Variants in KLHL29 observed in about 807,000 individuals in gnomAD.
KLHL29 encodes kelch like family member 29, also known as kelch-like protein 29.
In KLHL29, 21 loss-of-function variants were observed where a neutral mutation model predicts 80.4. The observed-to-expected ratio is 0.26, with a 90% CI of 0.19 to 0.38. The LOEUF is 0.38. KLHL29 is among the 10% of genes least tolerant of loss of function. The probability of loss-of-function intolerance (pLI) is 1.00; values close to 1 mark genes in which losing one functional copy is unlikely to be tolerated. For missense variants in KLHL29, 867 were observed against 1,223.9 expected (o/e 0.71, Z 4.35); for synonymous variants, 511 against 526.8 (o/e 0.97, Z 0.41).
At position 23,518,723 on chromosome 2, in the gene KLHL29, C is replaced by T. The variant is rs569054361; in HGVS notation, c.-46+43056C>T. 5.9e-5 allele frequency among the ~76,000 whole-genome samples: 9 copies of T among 152,292 alleles called. No individual in the cohort carries two copies. The East Asian group carries it at 1.7e-3, about 29-fold the overall frequency. Reference sequence around the variant, plus strand: ...CCACTGGGCCTGGTCCACAGCTGCACACGCCAACACATGCACCTGGTCCAG... The same window carrying T: ...CCACTGGGCCTGGTCCACAGCTGCATACGCCAACACATGCACCTGGTCCAG... On this transcript the variant is annotated intron_variant, in intron 2 of 13. Transcript: ENST00000486442.
chr2:23,599,029 G>A (rs1668501287), intron 3 of KLHL29, among the ~76,000 whole-genome samples: 1 of 152,260 alleles, frequency 6.6e-6, no homozygotes, highest in South Asian at 2.1e-4. Context: ...CCTGTCCCAG[G>A]CATTCTTTCC....
chr2:23,664,584 T>C (rs2149171950), intron 5 of KLHL29, among the ~76,000 whole-genome samples: 1 of 152,356 alleles, frequency 6.6e-6, no homozygotes. Flanking sequence ...AGATGTTTCC[T>C]AACAGTCTTG....
intron 1 of KLHL29, among the ~76,000 whole-genome samples, chr2:23,435,149 G>A (rs1359720456): frequency 6.6e-6 from 1 of 152,208 alleles, no homozygotes; most frequent in African/African-American, 2.4e-5. Flanking sequence ...ACATTGGAGT[G>A]TGGTCTTCAG....
At chr2:23,527,175 G>A (rs564958465) in intron 2 of KLHL29, among the ~76,000 whole-genome samples, 11 of 152,260 alleles carry the variant, frequency 7.2e-5, no homozygotes, top group African/African-American at 2.2e-4. Context: ...CGGCTCACAC[G>A]GAGGACACGT....
At chr2:23,537,726 A>G (rs1252966050) in intron 2 of KLHL29, among the ~76,000 whole-genome samples, 2 of 152,176 alleles carry the variant, frequency 1.3e-5, no homozygotes, top group African/African-American at 4.8e-5. Flanking sequence ...GGCCACCTGC[A>G]AGAAGCTGCA....
chr2:23,505,039 G>T (rs1252056177), intron 2 of KLHL29, among the ~76,000 whole-genome samples: 3 of 152,214 alleles, frequency 2.0e-5, no homozygotes, highest in African/African-American at 4.8e-5. Flanking sequence ...TTCCCGCTGG[G>T]AACAAAACCC....
Position 23,663,565 on chromosome 2 carries a change from G to C in KLHL29, c.940+20715G>C, listed in dbSNP as rs184344046. On this transcript the variant is annotated intron_variant, in intron 5 of 13. Transcript: ENST00000486442. ...CTTCAGCCAGTTCCAAGTTATTGAT[G>C]TCTTAAAGTGACTTTAATCTGAGCC... is the stretch of plus-strand genomic sequence containing the variant. Among the ~76,000 whole-genome samples the C allele has an allele frequency of 1.4e-3, 213 of 152,338 alleles. 1 individual carries two copies. The highest frequency in any genetic ancestry group is 4.9e-3 in the African/African-American group (202 of 41,582).
chr2:23,533,646 G>C (rs895830181), intron 2 of KLHL29, among the ~76,000 whole-genome samples: 16 of 152,116 alleles, frequency 1.1e-4, no homozygotes, highest in African/African-American at 3.6e-4. Flanking sequence ...GTTTGGGCTG[G>C]GTGATGGCAT....
rs1002031285 is a variant in KLHL29, at chr2:23,562,810, A to C, written c.285+329A>C. ...AGATGGCAATATGGGGTTCCTAAAT[A>C]GATAAATTGAGACCATGCAAGCATC... On this transcript the variant is annotated intron_variant, in intron 3 of 13. Transcript: ENST00000486442. This position sits in a 1 kb window ranked among gnomAD's most constrained non-coding sequence, Gnocchi z 4.5. 5.3e-5 allele frequency among the ~76,000 whole-genome samples: 8 copies of C among 152,174 alleles called. No individual in the cohort carries two copies. Among genetic ancestry groups the C allele is most frequent in the Admixed American group, 6.5e-5 (1 of 15,284 alleles).
chr2:23,464,269 G>T lies in KLHL29; in HGVS notation c.-153-11291G>T, dbSNP rs1266336911. Among the ~76,000 whole-genome samples the T allele has an allele frequency of 3.3e-5, 5 of 152,134 alleles. No homozygotes were observed. The East Asian group carries it at 5.8e-4, about 18-fold the overall frequency. ...CTTGTTGGAGGCTCATTTCCCCAGG[G>T]TCTCTGCAAGCCCGGAGCCCCCGGA... On this transcript the variant is annotated intron_variant, in intron 1 of 13. Coordinates refer to ENST00000486442, the MANE Select transcript of KLHL29 (RefSeq NM_052920.2).
At chr2:23,656,464 C>T (rs963503944) in intron 5 of KLHL29, among the ~76,000 whole-genome samples, 1 of 152,254 alleles carries the variant, frequency 6.6e-6, no homozygotes, top group Non-Finnish European at 1.5e-5. Context: ...CTTGCTGCCA[C>T]GCAGAGTCAG....
chr2:23,626,282 T>G (rs1235833173), intron 3 of KLHL29, among the ~76,000 whole-genome samples: 5 of 152,264 alleles, frequency 3.3e-5, no homozygotes, highest in African/African-American at 1.2e-4. Flanking sequence ...ATGCCAGCAA[T>G]GGGGAGCAGT....
chr2:23,452,454 A>C (rs1429399217), intron 1 of KLHL29, among the ~76,000 whole-genome samples: 1 of 152,002 alleles, frequency 6.6e-6, no homozygotes, highest in Non-Finnish European at 1.5e-5. Context: ...TGGGGATCTC[A>C]TTTCAACATG....
At chr2:23,586,757 C>T (rs1668129369) in intron 3 of KLHL29, among the ~76,000 whole-genome samples, 1 of 152,062 alleles carries the variant, frequency 6.6e-6, no homozygotes, top group Non-Finnish European at 1.5e-5. Context: ...TGAGCTTAGC[C>T]CCTCCTTGGT....
chr2:23,695,330 G>T lies in KLHL29; in HGVS notation c.1543-293G>T, dbSNP rs1671883416. Reference sequence around the variant, plus strand: ...CTGCAGCAGGGGTCCACAGCCCCAGGTGGAGTGAGAGAATGGGGTGCTGGG... The same window carrying T: ...CTGCAGCAGGGGTCCACAGCCCCAGTTGGAGTGAGAGAATGGGGTGCTGGG... On this transcript the variant is annotated intron_variant, in intron 8 of 13. Coordinates refer to ENST00000486442, the MANE Select transcript of KLHL29 (RefSeq NM_052920.2). This position sits in a 1 kb window ranked among gnomAD's most constrained non-coding sequence, Gnocchi z 7.6. Among the ~76,000 whole-genome samples the T allele has an allele frequency of 6.6e-6, 1 of 152,078 alleles. No homozygotes were observed. Among genetic ancestry groups the T allele is most frequent in the South Asian group, 2.1e-4 (1 of 4,816 alleles).
intron 1 of KLHL29, among the ~76,000 whole-genome samples, chr2:23,402,025 A>G (rs1017007899): frequency 1.3e-5 from 2 of 152,178 alleles, no homozygotes; most frequent in Non-Finnish European, 2.9e-5. Flanking sequence ...AGTGCTGGGC[A>G]CATTTTGCAC....
chr2:23,483,067 A>G (rs1231942856), intron 2 of KLHL29, among the ~76,000 whole-genome samples: 4 of 152,216 alleles, frequency 2.6e-5, no homozygotes, highest in Non-Finnish European at 4.4e-5. Context: ...ACCAAGTGCT[A>G]TGGAAGAGCA....
At chr2:23,458,221 C>T (rs1664115643) in intron 1 of KLHL29, among the ~76,000 whole-genome samples, 1 of 152,184 alleles carries the variant, frequency 6.6e-6, no homozygotes, top group Non-Finnish European at 1.5e-5. Flanking sequence ...CCCACTTGCT[C>T]ATTAATTTAA....
At chr2:23,614,815 G>T (rs557612067) in intron 3 of KLHL29, among the ~76,000 whole-genome samples, 54 of 152,262 alleles carry the variant, frequency 3.5e-4, no homozygotes, top group African/African-American at 1.1e-3. Context: ...AGGCAGGGTG[G>T]GCTGGTGTGT....
Sources: allele counts gnomAD v4.1 joint callset (sites outside exome capture counted in the v4.1 genomes callset), GRCh38; gene constraint gnomAD v4.1.1; non-coding constraint Gnocchi (gnomAD v3.1); transcripts MANE v1.5; gene names NCBI Gene and HGNC (gene_info 2026-07-23, HGNC 2026-07-21).